PCMT1: variants seen among roughly 807,000 people sequenced by gnomAD.
PCMT1 encodes protein-L-isoaspartate(D-aspartate) O-methyltransferase.
PCMT1 carries 9 observed loss-of-function variants against 29.2 expected under a neutral mutation model. That is an observed-to-expected ratio of 0.31 (90% CI 0.19 to 0.54). The LOEUF (loss-of-function observed/expected upper bound fraction) is 0.54. Among genes scored for constraint, PCMT1 ranks in the 20% least tolerant of loss-of-function variants. The pLI is 0.95. For synonymous variants in PCMT1, 98 were observed against 97.5 expected (o/e 1.00, Z -0.03); for missense variants, 184 against 282.2 (o/e 0.65, Z 2.49).
intron 1 of PCMT1, among the ~76,000 whole-genome samples, chr6:149,763,562 G>A (rs1275244329): frequency 1.3e-5 from 2 of 151,974 alleles, no homozygotes; most frequent in African/African-American, 2.4e-5. Flanking sequence ...ACTTCCATAT[G>A]CCTTCATATC....
At chr6:149,772,036 C>T (rs1348824970) in intron 2 of PCMT1, 1 of 456,774 alleles carries the variant, frequency 2.2e-6, no homozygotes, top group Non-Finnish European at 4.4e-6. Flanking sequence ...TTAACTCCTT[C>T]TCCTGAAGCA....
rs1158867273 is a variant in PCMT1 at position 149,795,745 on chromosome 6, A to G, written c.419-670A>G. 4 of 217,172 alleles carry G rather than the reference A, an allele frequency of 1.8e-5. No individual in the cohort carries two copies. The East Asian group carries it at 5.5e-4, about 30-fold the overall frequency. The allele number at this position is 217,172 out of a possible 1,614,324, so 13.5% of individuals were successfully genotyped here. A position where few individuals can be genotyped will look rare whatever the true frequency, so the allele number is the denominator to read the frequency against. On this transcript the variant is annotated intron_variant, in intron 5 of 7. Transcript: ENST00000464889. ...ATGTCTTTTGAATGTAGTACTATTA[A>G]GGTACTATATCTTAAGTTAACTTAA...
chr6:149,786,434 C>T (rs112369494), intron 3 of PCMT1, among the ~76,000 whole-genome samples: 33,344 of 80,454 alleles, frequency 0.41, 12,856 homozygotes, highest in East Asian at 0.85. Flanking sequence ...ACCTCCCTCC[C>T]GGACGGGGTG....
intron 1 of PCMT1, among the ~76,000 whole-genome samples, chr6:149,758,387 T>C (rs538397944): frequency 0.015 from 785 of 51,554 alleles, 6 homozygotes; most frequent in African/African-American, 0.065. Flanking sequence ...ATTTTTGTAT[T>C]TTTTAGTAGA....
chr6:149,760,729 A>G (rs938776570), intron 1 of PCMT1, among the ~76,000 whole-genome samples: 12 of 152,096 alleles, frequency 7.9e-5, no homozygotes, highest in Non-Finnish European at 1.2e-4. Context: ...GTGCATGCCT[A>G]TAGTCCCAGC....
chr6:149,793,677 T>A lies in PCMT1; in HGVS notation c.418+8T>A. On this transcript the variant is annotated splice_region_variant and intron_variant, in intron 5 of 7. Transcript: ENST00000464889. The stretch of plus-strand genomic sequence containing the variant: ...GGAGAGTACAGCTTGTTGGTAAGTA[T>A]CAGAAAACTTTAAAAATTTCTTCAG... 6.5e-7 allele frequency: 1 copy of A among 1,528,196 alleles called. No homozygotes were observed. The highest frequency in any genetic ancestry group is 8.7e-7 in the Non-Finnish European group (1 of 1,150,902). The allele number at this position is 1,528,196 out of a possible 1,614,324, so 94.7% of individuals were successfully genotyped here.
intron 1 of PCMT1, among the ~76,000 whole-genome samples, chr6:149,770,889 C>T (rs1011475719): frequency 6.6e-6 from 1 of 151,436 alleles, no homozygotes; most frequent in Non-Finnish European, 1.5e-5. Context: ...GTCCCAGCTA[C>T]TCGGGAGGCT....
Position 149,790,521 on chromosome 6 carries a change from T to C in PCMT1, c.297+463T>C, listed in dbSNP as rs529640598. 4.2e-4 allele frequency among the ~76,000 whole-genome samples: 61 copies of C among 146,854 alleles called. 1 individual carries two copies. The Middle Eastern group carries it at 0.014, about 33-fold the overall frequency. On this transcript the variant is annotated intron_variant, in intron 4 of 7. Transcript: ENST00000464889. ...AATAAGCCTGGTTTTCTTTTCTTTT[T>C]TTTTTTTTTTTCTTCTTAAAAACAG...
At chr6:149,758,534 T>C (rs2115205679) in intron 1 of PCMT1, among the ~76,000 whole-genome samples, 1 of 152,050 alleles carries the variant, frequency 6.6e-6, no homozygotes, top group Non-Finnish European at 1.5e-5. Context: ...TTTTTAATAG[T>C]GTTATGGATT....
chr6:149,802,637 T>A (rs1397721505), intron 7 of PCMT1: 7 of 384,060 alleles, frequency 1.8e-5, no homozygotes, highest in African/African-American at 1.5e-4. Flanking sequence ...GTTTTTTTTT[T>A]AGAGAGACTT....
In PCMT1 at chr6:149,764,965, C is replaced by A. The variant is rs543816383; in HGVS notation, c.56-6197C>A. On this transcript the variant is annotated intron_variant, in intron 1 of 7. Coordinates refer to ENST00000464889, the MANE Select transcript of PCMT1 (RefSeq NM_001360452.2). ...CTGAGGCAGGAAAACGGCGTGAACCCGGGAGGCGGAGCTTGCAGTGAGCCG... is the reference window on the plus strand; with the variant it reads ...CTGAGGCAGGAAAACGGCGTGAACCAGGGAGGCGGAGCTTGCAGTGAGCCG... 9.8e-4 allele frequency among the ~76,000 whole-genome samples: 147 copies of A among 150,474 alleles called. 2 individuals are homozygous for A. Among genetic ancestry groups the A allele is most frequent in the Admixed American group, 3.1e-3 (46 of 15,012 alleles).
At position 149,762,847 on chromosome 6, in the gene PCMT1, G is replaced by GATATATATCTATGAT. The variant is rs1241141358; in HGVS notation, c.56-8293_56-8279dup. ...TGATATATATGATATATATATCTAT[G>GATATATATCTATGAT]ATATATATCTATGATATATATATCT... On this transcript the variant is annotated intron_variant, in intron 1 of 7. Transcript: ENST00000464889. 2.9e-4 allele frequency among the ~76,000 whole-genome samples: 11 copies of GATATATATCTATGAT among 37,802 alleles called. 1 individual carries two copies. Among genetic ancestry groups the GATATATATCTATGAT allele is most frequent in the South Asian group, 1.5e-3 (2 of 1,320 alleles). The allele number at this position is 37,802 out of a possible 152,430, so 24.8% of individuals were successfully genotyped here.
At chr6:149,794,787 C>T (rs977050549) in intron 5 of PCMT1, 2 of 480,544 alleles carry the variant, frequency 4.2e-6, no homozygotes, top group African/African-American at 2.0e-5. Context: ...CAAAATGAGT[C>T]TCATGTTGCC....
intron 1 of PCMT1, among the ~76,000 whole-genome samples, chr6:149,766,191 T>G (rs779559597): frequency 1.3e-5 from 2 of 152,130 alleles, no homozygotes; most frequent in Non-Finnish European, 2.9e-5. Flanking sequence ...CTGTCTTTGC[T>G]ATACAATTGG....
At chr6:149,752,242 A>G (rs758005652) in intron 1 of PCMT1, among the ~76,000 whole-genome samples, 25 of 151,246 alleles carry the variant, frequency 1.7e-4, no homozygotes, top group Non-Finnish European at 3.5e-4. Flanking sequence ...TTGTTTCCCA[A>G]GCTGGAGTGC....
chr6:149,752,180 T>C (rs1474696771), intron 1 of PCMT1, among the ~76,000 whole-genome samples: 2 of 151,182 alleles, frequency 1.3e-5, no homozygotes, highest in Non-Finnish European at 2.9e-5. Flanking sequence ...CACCTGGCCA[T>C]GGTGAATGTT....
chr6:149,796,084 A>C (rs1788600078), intron 5 of PCMT1: 1 of 209,216 alleles, frequency 4.8e-6, no homozygotes, highest in Admixed American at 5.6e-5. Flanking sequence ...CTGTAAACCC[A>C]GCACTTTGGG....
At chr6:149,752,265 T>A (rs1421348896) in intron 1 of PCMT1, among the ~76,000 whole-genome samples, 1 of 152,052 alleles carries the variant, frequency 6.6e-6, no homozygotes, top group Non-Finnish European at 1.5e-5. Flanking sequence ...TGGCGTGATC[T>A]TGGCTCACTG....
At chr6:149,804,772 GATTACAGGTGTCAGCC>G (rs1775959487) in intron 7 of PCMT1, among the ~76,000 whole-genome samples, 1 of 152,008 alleles carries the variant, frequency 6.6e-6, no homozygotes, top group Admixed American at 6.6e-5. Flanking sequence ...AAAGTGCTAG[GATTACAGGTGTCAGCC>G]ACCATGCCTG....
Sources: gnomAD v4.1 joint callset for allele counts (sites outside exome capture counted in the v4.1 genomes callset) on GRCh38, gnomAD v4.1.1 for gene constraint, MANE v1.5 for transcripts, NCBI Gene and HGNC (gene_info 2026-07-23, HGNC 2026-07-21) for gene names.